The following PHLDB1 variants were observed in gnomAD, a reference collection of about 807,000 sequenced individuals.
The protein encoded by PHLDB1 is pleckstrin homology-like domain family B member 1.
Under a neutral mutation model 139.3 loss-of-function variants are expected in PHLDB1, and 65 were observed. That is an observed-to-expected ratio of 0.47 (90% CI 0.38 to 0.57). The LOEUF (loss-of-function observed/expected upper bound fraction) is 0.57. PHLDB1 is among the 20% of genes least tolerant of loss of function. The probability of loss-of-function intolerance (pLI) is 0.00; values close to 1 mark genes in which losing one functional copy is unlikely to be tolerated. For missense variants in PHLDB1, 1,624 were observed against 1,839.7 expected, an observed-to-expected ratio of 0.88 and a Z score of 2.14; for synonymous variants, 679 against 734.5, an observed-to-expected ratio of 0.92 and a Z score of 1.22.
chr11:118,612,587 G>A (rs782438389), intron 1 of PHLDB1, among the ~76,000 whole-genome samples: 2 of 152,162 alleles, frequency 1.3e-5, no homozygotes, highest in Non-Finnish European at 2.9e-5. Flanking sequence ...CCTGGGTTCC[G>A]GCCTCTCTTC....
At chr11:118,619,270 C>T (rs1942282815) in intron 4 of PHLDB1, among the ~76,000 whole-genome samples, 1 of 152,170 alleles carries the variant, frequency 6.6e-6, no homozygotes, top group East Asian at 1.9e-4. Flanking sequence ...TTCCTCCGAG[C>T]CCTGGTCTCC....
chr11:118,628,677 A>C, intron 6 of PHLDB1, 27 bp downstream of exon 6: 1 of 1,590,440 alleles, frequency 6.3e-7, no homozygotes, highest in South Asian at 1.1e-5. Flanking sequence ...GAGGCTTGCC[A>C]CTGTCCATGG....
At chr11:118,607,283 G>A (rs868925875), upstream of PHLDB1, among the ~76,000 whole-genome samples, 12 of 136,896 alleles carry the variant, frequency 8.8e-5, no homozygotes, top group Non-Finnish European at 4.6e-5. Context: ...GGAGTGGAGG[G>A]TGGTCTAGGA....
chr11:118,657,511 G>A lies in PHLDB1; in HGVS notation c.*688G>A, dbSNP rs185006140. Reference sequence around the variant, plus strand: ...GCCCCTGGGCATCTCATGCTGGGGGGAAGGGACTGAATACCTTTTTCCTTC... The same window carrying A: ...GCCCCTGGGCATCTCATGCTGGGGGAAAGGGACTGAATACCTTTTTCCTTC... On this transcript the variant is annotated 3_prime_UTR_variant, in exon 23 of 23. Coordinates refer to ENST00000600882, the MANE Select transcript of PHLDB1 (RefSeq NM_001144758.3). The A allele has an allele frequency of 2.0e-4, 31 of 152,854 alleles. No homozygotes were observed. The East Asian group carries it at 5.8e-3, about 29-fold the overall frequency. The allele number at this position is 152,854 out of a possible 1,614,324, so 9.5% of individuals were successfully genotyped here.
chr11:118,629,444 G>T (rs1195378350), intron 6 of PHLDB1, among the ~76,000 whole-genome samples: 2 of 152,240 alleles, frequency 1.3e-5, no homozygotes, highest in African/African-American at 4.8e-5. Flanking sequence ...GCTCTGGCTG[G>T]TGTGTACACA....
chr11:118,645,277 T>C lies in PHLDB1; in HGVS notation c.3122-79T>C. ...TAACCTCTCCCTGCTTGCCCCTCCCTCTGTGTGTTGTGCTGCCAGTGGCCT... is the reference window on the plus strand; with the variant it reads ...TAACCTCTCCCTGCTTGCCCCTCCCCCTGTGTGTTGTGCTGCCAGTGGCCT... On this transcript the variant is annotated intron_variant, in intron 15 of 22. Transcript: ENST00000600882. The surrounding 1 kb of genome is among the most constrained non-coding windows in gnomAD (Gnocchi z 5.1). The C allele has an allele frequency of 8.8e-7, 1 of 1,141,726 alleles. No homozygotes were observed. The highest frequency in any genetic ancestry group is 1.6e-5 in the African/African-American group (1 of 64,244). 70.7% of individuals were successfully genotyped at this position (1,141,726 alleles called of 1,614,324 possible). A position where few individuals can be genotyped will look rare whatever the true frequency, so the allele number is the denominator to read the frequency against.
rs782299630 is a variant in PHLDB1, at chr11:118,610,515, C to G, written c.-22+2816C>G. ...CTTGGGCCGAGGCCGAGGCCGACCC[C>G]CAGGGACACAGGTGAGGCCGGGCGA... On this transcript the variant is annotated intron_variant, in intron 1 of 22. Transcript: ENST00000600882. This position sits in a 1 kb window ranked among gnomAD's most constrained non-coding sequence, Gnocchi z 8.7. 1 of 980,874 alleles carries G rather than the reference C, an allele frequency of 1.0e-6. No individual in the cohort carries two copies. The highest frequency in any genetic ancestry group is 1.2e-6 in the Non-Finnish European group (1 of 825,854). The allele number at this position is 980,874 out of a possible 1,614,324, so 60.8% of individuals were successfully genotyped here. A position where few individuals can be genotyped will look rare whatever the true frequency, so the allele number is the denominator to read the frequency against.
At chr11:118,613,657 C>A in intron 1 of PHLDB1, 159 bp from the exon 2 acceptor site, 1 of 590,852 alleles carries the variant, frequency 1.7e-6, no homozygotes, top group Non-Finnish European at 2.9e-6. Flanking sequence ...ACAACTCCCA[C>A]CCAAGCTCTT....
intron 4 of PHLDB1, among the ~76,000 whole-genome samples, chr11:118,617,190 A>G (rs1941825235): frequency 6.6e-6 from 1 of 152,220 alleles, no homozygotes; most frequent in African/African-American, 2.4e-5. Context: ...GCATCAGTTC[A>G]TACAGTGAGT....
At chr11:118,619,406 T>G (rs1220171400) in intron 4 of PHLDB1, among the ~76,000 whole-genome samples, 1 of 152,212 alleles carries the variant, frequency 6.6e-6, no homozygotes, top group Non-Finnish European at 1.5e-5. Flanking sequence ...TCTAGGACAT[T>G]CAGCCTCTTT....
At chr11:118,625,137 CT>C in intron 5 of PHLDB1, 78 bp downstream of exon 5, 1 of 1,485,042 alleles carries the variant, frequency 6.7e-7, no homozygotes, top group Non-Finnish European at 9.0e-7. Context: ...TTCAGCCACA[CT>C]TGGAGTGTTA....
chr11:118,638,040 G>A lies in PHLDB1; in HGVS notation c.2536-851G>A, dbSNP rs76447939. On this transcript the variant is annotated intron_variant, in intron 10 of 22. Coordinates refer to ENST00000600882, the MANE Select transcript of PHLDB1 (RefSeq NM_001144758.3). ...AAGGAGCAAAGAAATCGGCAATCAA[G>A]GAAGGCTTTGGAGAGGAGATAGCAT... The A allele has an allele frequency of 3.0e-3, 451 of 152,390 alleles. 1 individual carries two copies. The highest frequency in any genetic ancestry group is 0.011 in the African/African-American group (438 of 41,574). 9.4% of individuals were successfully genotyped at this position (152,390 alleles called of 1,614,324 possible).
Position 118,638,971 on chromosome 11 carries a change from C to A in PHLDB1, c.2616C>A (p.Asp872Glu). Residue 872 changes from aspartate to glutamate, a missense_variant, in exon 11 of 23, where the codon GAC becomes GAA. Physicochemically the swap from Asp to Glu is conservative, Grantham distance 45. Coordinates refer to ENST00000600882, the MANE Select transcript of PHLDB1 (RefSeq NM_001144758.3). ...AGGAATCAGAACGCCTGGCCCGGGA[C>A]AAGAATGCCTCCTTACAGCTGCTGC... ...AVQESERLARDKNASLQLLQK... is the reference protein window; with the variant it reads ...AVQESERLAREKNASLQLLQK... The A allele has an allele frequency of 1.2e-6, 2 of 1,613,684 alleles. No homozygotes were observed. The highest frequency in any genetic ancestry group is 2.2e-5 in the South Asian group (2 of 90,986).
At position 118,645,457 on chromosome 11, in the gene PHLDB1, C is replaced by A. The variant is rs542973448; in HGVS notation, c.3223C>A (p.Pro1075Thr). The A allele has an allele frequency of 6.2e-7, 1 of 1,607,580 alleles. No homozygotes were observed. Among genetic ancestry groups the A allele is most frequent in the Non-Finnish European group, 8.5e-7 (1 of 1,176,790 alleles). ...GTGGGATGCCCTTCACGGGGCAGCACCCTTCCCAGCGGGCCCCTCGGGCTT... is the reference window on the plus strand; with the variant it reads ...GTGGGATGCCCTTCACGGGGCAGCAACCTTCCCAGCGGGCCCCTCGGGCTT... ...CQWDALHGAA[P>T]FPAGPSGFPP... The change falls in exon 16 of 23, where the codon CCC (proline) becomes ACC (threonine). Residue 1075 changes from proline (P) to threonine (T), a missense_variant. Physicochemically the swap from Pro to Thr is conservative, Grantham distance 38. Transcript: ENST00000600882. The surrounding 1 kb of genome is among the most constrained non-coding windows in gnomAD (Gnocchi z 5.1).
At chr11:118,655,726 G>C in intron 21 of PHLDB1, 36 bp downstream of exon 21, 1 of 1,557,328 alleles carries the variant, frequency 6.4e-7, no homozygotes, top group Non-Finnish European at 8.9e-7. Flanking sequence ...GGGCCAGAGG[G>C]ACAGCCATGG....
chr11:118,643,668 T>C, intron 13 of PHLDB1, 132 bp from the exon 14 acceptor site: 2 of 1,551,678 alleles, frequency 1.3e-6, no homozygotes, highest in Non-Finnish European at 1.7e-6. Flanking sequence ...CTCAGGAGGC[T>C]TGTTGTCAGA....
rs1555084360 is a variant in PHLDB1, at chr11:118,611,856, G to A, written c.-21-1960G>A. 7.0e-6 allele frequency among the ~76,000 whole-genome samples: 1 copy of A among 142,964 alleles called. No individual in the cohort carries two copies. Among genetic ancestry groups the A allele is most frequent in the East Asian group, 2.1e-4 (1 of 4,692 alleles). The allele number at this position is 142,964 out of a possible 152,430, so 93.8% of individuals were successfully genotyped here. ...AAAATAATAATAATAATAATAAATG[G>A]CATTAAGTGCTTTGCTTTCACAGAA... is the stretch of plus-strand genomic sequence containing the variant. On this transcript the variant is annotated intron_variant, in intron 1 of 22. Transcript: ENST00000600882. This position sits in a 1 kb window ranked among gnomAD's most constrained non-coding sequence, Gnocchi z 4.7.
rs545901103 is a variant in PHLDB1 at position 118,649,961 on chromosome 11, G to A, written c.3655-116G>A. On this transcript the variant is annotated intron_variant, in intron 18 of 22. Transcript: ENST00000600882. ...CCTGTGGAGCCACAGTGACCGCCAT[G>A]GGTTAGGGAGGTGTGATGTCAGGCT... 1.8e-5 allele frequency: 14 copies of A among 767,054 alleles called. No homozygotes were observed. In the East Asian group the frequency reaches 3.5e-4, roughly 19 times the overall value. The allele number at this position is 767,054 out of a possible 1,614,324, so 47.5% of individuals were successfully genotyped here. A position where few individuals can be genotyped will look rare whatever the true frequency, so the allele number is the denominator to read the frequency against.
At chr11:118,617,548 C>T (rs1362287755) in intron 4 of PHLDB1, among the ~76,000 whole-genome samples, 24 of 152,040 alleles carry the variant, frequency 1.6e-4, no homozygotes, top group Admixed American at 1.6e-3. Context: ...TCACTACAAC[C>T]TCCACCTCCT....
Sources: allele counts gnomAD v4.1 joint callset (sites outside exome capture counted in the v4.1 genomes callset), GRCh38; gene constraint gnomAD v4.1.1; non-coding constraint Gnocchi (gnomAD v3.1); transcripts MANE v1.5; gene names NCBI Gene and HGNC (gene_info 2026-07-23, HGNC 2026-07-21).